The following LHPP variants were observed in gnomAD, a reference collection of about 807,000 sequenced individuals.
LHPP encodes hLHPP.
LHPP carries 24 observed loss-of-function variants against 30.3 expected under a neutral mutation model. The observed-to-expected ratio is 0.79, with a 90% CI of 0.57 to 1.11. The LOEUF is 1.11. Ranked by LOEUF, LHPP falls within the 50% of genes most tolerant of loss-of-function variation. The pLI is 0.00. For synonymous variants in LHPP, 150 were observed against 157.1 expected, an observed-to-expected ratio of 0.95 and a Z score of 0.34; for missense variants, 356 against 367.2, an observed-to-expected ratio of 0.97 and a Z score of 0.25.
At chr10:124,567,785 CAT>C (rs958390376) in intron 6 of LHPP, among the ~76,000 whole-genome samples, 3 of 152,270 alleles carry the variant, frequency 2.0e-5, no homozygotes, top group Non-Finnish European at 4.4e-5. Flanking sequence ...CGCACAAACA[CAT>C]GGACACACAT....
chr10:124,562,815 C>G (rs1002922614), intron 6 of LHPP, among the ~76,000 whole-genome samples: 1 of 151,808 alleles, frequency 6.6e-6, no homozygotes, highest in African/African-American at 2.4e-5. Context: ...GCCTGTAATT[C>G]CAGCTACTTG....
At chr10:124,501,572 A>G (rs11245242) in intron 5 of LHPP, among the ~76,000 whole-genome samples, 3,761 of 149,322 alleles carry the variant, frequency 0.025, 127 homozygotes, top group East Asian at 0.11. Context: ...ACTGTGCTCC[A>G]GCCTGGGCGA....
chr10:124,529,511 G>A (rs946700160), intron 6 of LHPP, among the ~76,000 whole-genome samples: 1 of 152,174 alleles, frequency 6.6e-6, no homozygotes, highest in Non-Finnish European at 1.5e-5. Context: ...CAGTGGCACT[G>A]AGGCTGCTCT....
chr10:124,516,050 ACTGGGCTCTAC>A (rs531320840), intron 5 of LHPP, among the ~76,000 whole-genome samples: 1 of 152,276 alleles, frequency 6.6e-6, no homozygotes, highest in South Asian at 2.1e-4. Flanking sequence ...CAGGGATCCT[ACTGGGCTCTAC>A]CTGGGTTTCC....
chr10:124,551,904 C>G (rs1010336483), intron 6 of LHPP, among the ~76,000 whole-genome samples: 1 of 152,032 alleles, frequency 6.6e-6, no homozygotes, highest in Non-Finnish European at 1.5e-5. Flanking sequence ...TGGCAGCTTC[C>G]TACAGTGCTT....
intron 1 of LHPP, 21 bp from the exon 2 acceptor site, chr10:124,484,118 C>A (rs1381219489): frequency 7.4e-6 from 12 of 1,611,000 alleles, no homozygotes; most frequent in Non-Finnish European, 1.0e-5. Flanking sequence ...ACTTCCCGGG[C>A]CTGTGTCTCC....
rs76781237 is a variant in LHPP at position 124,495,590 on chromosome 10, C to T, written c.468-1371C>T. ...GGACAGGCAGGGTGCCCAGGAGTGG[C>T]GGAGCTGGAGGAAGGGCACAGCCCC... is the stretch of plus-strand genomic sequence containing the variant. On this transcript the variant is annotated intron_variant, in intron 3 of 6. Coordinates refer to ENST00000368842, the MANE Select transcript of LHPP (RefSeq NM_022126.4). Among the ~76,000 whole-genome samples, 797 of 152,222 alleles carry T rather than the reference C, an allele frequency of 5.2e-3. 10 individuals carry two copies. The highest frequency in any genetic ancestry group is 0.018 in the African/African-American group (742 of 41,528).
chr10:124,540,344 G>T (rs1955151370), intron 6 of LHPP, among the ~76,000 whole-genome samples: 1 of 152,128 alleles, frequency 6.6e-6, no homozygotes, highest in Non-Finnish European at 1.5e-5. Context: ...GGGACTTGCG[G>T]CCGGGGACCC....
At chr10:124,565,210 G>A (rs556414090) in intron 6 of LHPP, among the ~76,000 whole-genome samples, 15 of 152,248 alleles carry the variant, frequency 9.9e-5, no homozygotes, top group East Asian at 5.8e-4. Context: ...TGAGAAGCAC[G>A]CATGAGAAGG....
At chr10:124,567,557 A>C (rs187137081) in intron 6 of LHPP, among the ~76,000 whole-genome samples, 2 of 152,330 alleles carry the variant, frequency 1.3e-5, no homozygotes, top group East Asian at 3.9e-4. Flanking sequence ...TTTGTGGGCT[A>C]TTGGAGTTCT....
intron 6 of LHPP, among the ~76,000 whole-genome samples, chr10:124,562,518 G>C (rs1948411708): frequency 6.6e-6 from 1 of 152,082 alleles, no homozygotes; most frequent in Non-Finnish European, 1.5e-5. Flanking sequence ...TGAAAAGAAT[G>C]AACAGACATT....
intron 6 of LHPP, 22 bp from the exon 7 acceptor site, chr10:124,613,242 A>C (rs1261054360): frequency 3.8e-6 from 6 of 1,592,550 alleles, no homozygotes; most frequent in African/African-American, 1.3e-5. Flanking sequence ...GGCACTGACT[A>C]ACCTCCGGCC....
At chr10:124,578,012 T>C (rs1357676623) in intron 6 of LHPP, among the ~76,000 whole-genome samples, 1 of 152,154 alleles carries the variant, frequency 6.6e-6, no homozygotes, top group Non-Finnish European at 1.5e-5. Context: ...GAAGGACCTC[T>C]TCCTCTATGC....
intron 1 of LHPP, among the ~76,000 whole-genome samples, chr10:124,483,749 C>G (rs1167571623): frequency 1.3e-5 from 2 of 151,338 alleles, no homozygotes; most frequent in Non-Finnish European, 2.9e-5. Flanking sequence ...AAGAGCGAGA[C>G]TCCATCTCAA....
At position 124,541,902 on chromosome 10, in the gene LHPP, C is replaced by A. The variant is rs1955201348; in HGVS notation, c.716+24631C>A. On this transcript the variant is annotated intron_variant, in intron 6 of 6. Coordinates refer to ENST00000368842, the MANE Select transcript of LHPP (RefSeq NM_022126.4). The surrounding 1 kb of genome is among the most constrained non-coding windows in gnomAD (Gnocchi z 4.2). ...AGGGTGCTGCCTCCCCAGCTCCTACCTGGGGAGATGCTGACATCTGGTCAT... is the reference window on the plus strand; with the variant it reads ...AGGGTGCTGCCTCCCCAGCTCCTACATGGGGAGATGCTGACATCTGGTCAT... Among the ~76,000 whole-genome samples the A allele has an allele frequency of 6.6e-6, 1 of 152,092 alleles. No individual in the cohort carries two copies. The highest frequency in any genetic ancestry group is 2.1e-4 in the South Asian group (1 of 4,826).
At chr10:124,586,673 C>G (rs1948807206) in intron 6 of LHPP, among the ~76,000 whole-genome samples, 1 of 152,214 alleles carries the variant, frequency 6.6e-6, no homozygotes, top group Non-Finnish European at 1.5e-5. Context: ...GAGGAGACGA[C>G]TTTCCAGGGC....
chr10:124,542,558 C>T (rs1955223897), intron 6 of LHPP, among the ~76,000 whole-genome samples: 1 of 152,164 alleles, frequency 6.6e-6, no homozygotes, highest in African/African-American at 2.4e-5. Flanking sequence ...GTTCAGCCTG[C>T]AGCTCTCCTG....
At chr10:124,529,791 G>GCA (rs749636848) in intron 6 of LHPP, among the ~76,000 whole-genome samples, 5,324 of 112,008 alleles carry the variant, frequency 0.048, 131 homozygotes, top group Admixed American at 0.13. Context: ...ACCAGCTCAT[G>GCA]CACATACACA....
chr10:124,536,452 G>A (rs1253323878), intron 6 of LHPP, among the ~76,000 whole-genome samples: 2 of 152,296 alleles, frequency 1.3e-5, no homozygotes, highest in African/African-American at 4.8e-5. Flanking sequence ...CCATTGTTCC[G>A]GCCCCTCTCC....
Sources: allele counts gnomAD v4.1 joint callset (sites outside exome capture counted in the v4.1 genomes callset), GRCh38; gene constraint gnomAD v4.1.1; non-coding constraint Gnocchi (gnomAD v3.1); transcripts MANE v1.5; gene names NCBI Gene and HGNC (gene_info 2026-07-23, HGNC 2026-07-21).